Variants in YAE1 observed in about 807,000 individuals in gnomAD.
The protein encoded by YAE1 is YAE1 maturation factor of ABCE1.
In YAE1, 22 loss-of-function variants were observed where a neutral mutation model predicts 23.0. The ratio of observed to expected loss-of-function variants is 0.96; its 90% confidence interval spans 0.68 to 1.37. YAE1 has a LOEUF of 1.37. YAE1 is among the 40% of genes most tolerant of loss of function. The probability of loss-of-function intolerance (pLI) is 0.00; values close to 1 mark genes in which losing one functional copy is unlikely to be tolerated. For missense variants in YAE1, 260 were observed against 262.1 expected, an observed-to-expected ratio of 0.99 and a Z score of 0.06; for synonymous variants, 101 against 97.0, an observed-to-expected ratio of 1.04 and a Z score of -0.24.
intron 2 of YAE1, chr7:39,609,427 AT>A (rs2115861097): frequency 1.4e-6 from 1 of 711,816 alleles, no homozygotes; most frequent in African/African-American, 1.8e-5. Flanking sequence ...ACTGGTTATT[AT>A]TTTATCAGAA....
rs186451266 is a variant in YAE1 at position 39,601,779 on chromosome 7, A to G, written c.252-7838A>G. 8.0e-3 allele frequency among the ~76,000 whole-genome samples: 1,194 copies of G among 150,068 alleles called. 9 individuals carry two copies. Among genetic ancestry groups the G allele is most frequent in the Non-Finnish European group, 0.014 (963 of 67,490 alleles). On this transcript the variant is annotated intron_variant, in intron 2 of 2. Transcript: ENST00000432096. ...GTCTCAAAAAAAAAAAAAAAAAACT[A>G]TAAAGAACAGTCCAACTTCTTTGAC...
chr7:39,603,329 C>T (rs1791081141), intron 2 of YAE1, among the ~76,000 whole-genome samples: 1 of 152,018 alleles, frequency 6.6e-6, no homozygotes, highest in African/African-American at 2.4e-5. Context: ...TTAGTAGAGA[C>T]GGGTTTCACC....
At chr7:39,582,799 T>A (rs953692445) in intron 2 of YAE1, among the ~76,000 whole-genome samples, 1 of 152,182 alleles carries the variant, frequency 6.6e-6, no homozygotes, top group Non-Finnish European at 1.5e-5. Flanking sequence ...TCCAAGGAAG[T>A]AACCAGGGAC....
intron 2 of YAE1, among the ~76,000 whole-genome samples, chr7:39,608,979 T>C (rs1583688057): frequency 6.6e-6 from 1 of 152,376 alleles, no homozygotes; most frequent in African/African-American, 2.4e-5. Context: ...ATGAGCTTAA[T>C]GATTAAGTCA....
chr7:39,609,824 G>A (rs1244114214), exon 3 of YAE1: 1 of 1,531,644 alleles, frequency 6.5e-7, no homozygotes, highest in Non-Finnish European at 8.7e-7. Context: ...CCCGGCTCCG[G>A]GCCCCAGGCC....
chr7:39,587,916 G>C (rs996189237), intron 2 of YAE1, among the ~76,000 whole-genome samples: 8 of 152,120 alleles, frequency 5.3e-5, no homozygotes, highest in African/African-American at 1.4e-4. Flanking sequence ...AAAAACTTTT[G>C]TATATATCCT....
intron 2 of YAE1, among the ~76,000 whole-genome samples, chr7:39,606,449 A>T (rs1267645061): frequency 6.6e-6 from 1 of 152,264 alleles, no homozygotes; most frequent in Non-Finnish European, 1.5e-5. Context: ...AGATAATTCC[A>T]ATCTCATTCT....
intron 2 of YAE1, among the ~76,000 whole-genome samples, chr7:39,605,159 A>G (rs2115850815): frequency 6.6e-6 from 1 of 152,300 alleles, no homozygotes; most frequent in South Asian, 2.1e-4. Context: ...TGTTGTTGAG[A>G]GATTCTTGCT....
At chr7:39,603,146 ATTTG>A (rs34516389) in intron 2 of YAE1, among the ~76,000 whole-genome samples, 1 of 150,968 alleles carries the variant, frequency 6.6e-6, no homozygotes, top group Non-Finnish European at 1.5e-5. Flanking sequence ...GAGTTTGTTT[ATTTG>A]TTTGTTTGTT....
downstream of YAE1, among the ~76,000 whole-genome samples, chr7:39,575,181 C>T (rs1270469262): frequency 6.6e-6 from 1 of 152,210 alleles, no homozygotes; most frequent in Non-Finnish European, 1.5e-5. Context: ...AGACATTAGA[C>T]TGAGTGGTGT....
Position 39,566,512 on chromosome 7 carries a change from C to G in YAE1, c.94C>G (p.Arg32Gly), listed in dbSNP as rs1342999255. The change falls in exon 1 of 3, where the codon CGG becomes GGG. Residue 32 changes from arginine (R) to glycine (G), a missense_variant. Coordinates refer to ENST00000223273, the MANE Select transcript of YAE1 (RefSeq NM_020192.5). ...AGCAGACGAGTCGCTCCTGGCGCAG[C>G]GGGAATGGCAGAGTAACATGCAAAG... ...EEADESLLAQ[R>G]EWQSNMQRRV... The G allele has an allele frequency of 6.2e-7, 1 of 1,613,972 alleles. No homozygotes were observed. Among genetic ancestry groups the G allele is most frequent in the Non-Finnish European group, 8.5e-7 (1 of 1,180,002 alleles).
At chr7:39,568,917 G>A (rs1200566335) in intron 1 of YAE1, among the ~76,000 whole-genome samples, 1 of 152,126 alleles carries the variant, frequency 6.6e-6, no homozygotes, top group Non-Finnish European at 1.5e-5. Context: ...CCACGGAATT[G>A]TCACTGAAAT....
At chr7:39,593,337 A>C (rs946490429) in intron 2 of YAE1, among the ~76,000 whole-genome samples, 2 of 151,824 alleles carry the variant, frequency 1.3e-5, no homozygotes, top group Admixed American at 1.3e-4. Context: ...GGTGCCTGCC[A>C]CCATGCCCAG....
chr7:39,568,065 C>T lies in YAE1; in HGVS notation c.129+1518C>T, dbSNP rs187033545. ...AAATATAAAAATGTGTGGCGAAACCCCATCTCTACTAAAAATACAAAAATT... is the reference window on the plus strand; with the variant it reads ...AAATATAAAAATGTGTGGCGAAACCTCATCTCTACTAAAAATACAAAAATT... On this transcript the variant is annotated intron_variant, in intron 1 of 2. Coordinates refer to ENST00000223273, the MANE Select transcript of YAE1 (RefSeq NM_020192.5). Among the ~76,000 whole-genome samples the T allele has an allele frequency of 2.6e-5, 4 of 152,036 alleles. No homozygotes were observed. The East Asian group carries it at 7.7e-4, about 29-fold the overall frequency.
chr7:39,589,199 C>T (rs1790865124), intron 2 of YAE1, among the ~76,000 whole-genome samples: 1 of 151,970 alleles, frequency 6.6e-6, no homozygotes, highest in Non-Finnish European at 1.5e-5. Context: ...TATTCATTTA[C>T]CTTACAGATT....
At chr7:39,610,574 A>G (rs1245738223), downstream of YAE1, among the ~76,000 whole-genome samples, 2 of 152,198 alleles carry the variant, frequency 1.3e-5, no homozygotes, top group Non-Finnish European at 1.5e-5. Flanking sequence ...GTGGCACTCA[A>G]CAAATGGAGT....
intron 2 of YAE1, among the ~76,000 whole-genome samples, chr7:39,591,592 G>A (rs1007354828): frequency 6.6e-6 from 1 of 151,244 alleles, no homozygotes; most frequent in East Asian, 1.9e-4. Context: ...GATACCTCCT[G>A]CCCCCACACA....
intron 2 of YAE1, among the ~76,000 whole-genome samples, chr7:39,571,216 A>G (rs1282703212): frequency 6.6e-6 from 1 of 152,024 alleles, no homozygotes; most frequent in African/African-American, 2.4e-5. Flanking sequence ...ACAAATTCAT[A>G]AACTTTCTTA....
chr7:39,609,650 A>G, exon 3 of YAE1: 2 of 1,535,558 alleles, frequency 1.3e-6, no homozygotes, highest in Non-Finnish European at 1.7e-6. Flanking sequence ...TGGGCTTGAG[A>G]GCCCCGCTGA....
Sources: allele counts gnomAD v4.1 joint callset (sites outside exome capture counted in the v4.1 genomes callset), GRCh38; gene constraint gnomAD v4.1.1; transcripts MANE v1.5; gene names NCBI Gene and HGNC (gene_info 2026-07-23, HGNC 2026-07-21).